Variants in STPG2 observed in about 807,000 individuals in gnomAD.
STPG2 encodes the protein sperm tail PG-rich repeat containing 2, also known as sperm-tail PG-rich repeat-containing protein 2.
STPG2 carries 56 observed loss-of-function variants against 54.2 expected under a neutral mutation model. The observed-to-expected ratio is 1.03, with a 90% CI of 0.83 to 1.29. The LOEUF (loss-of-function observed/expected upper bound fraction) is 1.29, where lower values mean the gene tolerates loss of function less well. STPG2 is among the 50% of genes most tolerant of loss of function. STPG2 has a pLI of 0.00. For missense variants in STPG2, 596 were observed against 544.9 expected (o/e 1.09, Z -0.93); for synonymous variants, 200 against 181.8 (o/e 1.10, Z -0.81).
chr4:97,519,600 T>C (rs964745030), intron 4 of STPG2, among the ~76,000 whole-genome samples: 1 of 152,022 alleles, frequency 6.6e-6, no homozygotes, highest in Admixed American at 6.6e-5. Context: ...TGGGATCAAA[T>C]ACAGATGCAG....
chr4:97,737,466 A>C (rs925061979), intron 9 of STPG2, among the ~76,000 whole-genome samples: 1 of 152,214 alleles, frequency 6.6e-6, no homozygotes, highest in Non-Finnish European at 1.5e-5. Context: ...ACTTTGAAAA[A>C]AATTTAGACG....
intron 4 of STPG2, among the ~76,000 whole-genome samples, chr4:97,460,398 C>A (rs13111940): frequency 0.017 from 2,633 of 151,554 alleles, 36 homozygotes; most frequent in Non-Finnish European, 0.028. Context: ...TAGATCTATT[C>A]TTGACATAGA....
intron 10 of STPG2, among the ~76,000 whole-genome samples, chr4:97,561,852 T>C (rs1026373729): frequency 6.6e-5 from 10 of 152,206 alleles, no homozygotes; most frequent in African/African-American, 2.4e-4. Flanking sequence ...AGCCTTGTAG[T>C]ATACTTTGAA....
chr4:97,732,935 A>G (rs752163936), intron 9 of STPG2, among the ~76,000 whole-genome samples: 15 of 152,230 alleles, frequency 9.9e-5, no homozygotes, highest in South Asian at 2.1e-4. Context: ...AACAAAAACC[A>G]TAGATGTTGA....
intron 5 of STPG2, among the ~76,000 whole-genome samples, chr4:98,082,767 A>T (rs13128640): frequency 6.3e-4 from 95 of 151,572 alleles, no homozygotes; most frequent in African/African-American, 2.2e-3. Flanking sequence ...ACTCTTAATA[A>T]GTCAAACATT....
chr4:97,871,575 A>G (rs1729991311), intron 8 of STPG2, among the ~76,000 whole-genome samples: 1 of 151,226 alleles, frequency 6.6e-6, no homozygotes, highest in Admixed American at 6.6e-5. Flanking sequence ...ATTTCTTTAG[A>G]AAATACAGTT....
intron 9 of STPG2, among the ~76,000 whole-genome samples, chr4:97,783,256 G>T (rs186404429): frequency 6.1e-4 from 93 of 152,254 alleles, no homozygotes; most frequent in Non-Finnish European, 9.7e-4. Flanking sequence ...GCATCAAAAA[G>T]TGGCCAAAGG....
At chr4:98,061,204 G>A in intron 5 of STPG2, among the ~76,000 whole-genome samples, 1 of 151,800 alleles carries the variant, frequency 6.6e-6, no homozygotes, top group East Asian at 1.9e-4. Context: ...CTATAAGGAT[G>A]CTGTATTAGT....
chr4:97,764,804 G>A (rs1725990781), intron 9 of STPG2, among the ~76,000 whole-genome samples: 1 of 151,998 alleles, frequency 6.6e-6, no homozygotes, highest in Non-Finnish European at 1.5e-5. Context: ...ATGATGGACA[G>A]AATCTAAATT....
At chr4:97,709,628 T>C (rs1724050085) in intron 10 of STPG2, among the ~76,000 whole-genome samples, 1 of 151,824 alleles carries the variant, frequency 6.6e-6, no homozygotes. Flanking sequence ...TATTTAGCTT[T>C]TTAAAATATT....
At chr4:97,478,661 A>G (rs1284707492) in intron 4 of STPG2, among the ~76,000 whole-genome samples, 1 of 151,808 alleles carries the variant, frequency 6.6e-6, no homozygotes, top group Non-Finnish European at 1.5e-5. Flanking sequence ...AATGAAATTA[A>G]CTCTATGATA....
chr4:97,744,600 C>A (rs189992364), intron 9 of STPG2, among the ~76,000 whole-genome samples: 1 of 151,282 alleles, frequency 6.6e-6, no homozygotes, highest in Non-Finnish European at 1.5e-5. Flanking sequence ...ATGCCTGAAA[C>A]TGTGGATGCT....
intron 4 of STPG2, among the ~76,000 whole-genome samples, chr4:97,456,232 G>A (rs989247669): frequency 6.6e-6 from 1 of 152,146 alleles, no homozygotes; most frequent in Non-Finnish European, 1.5e-5. Context: ...TTCCACAGCT[G>A]TACAGGAAGC....
intron 5 of STPG2, among the ~76,000 whole-genome samples, chr4:98,020,614 T>C (rs942210624): frequency 1.3e-5 from 2 of 152,184 alleles, no homozygotes; most frequent in African/African-American, 4.8e-5. Context: ...TCCTTGTACC[T>C]CTGGTAGAAC....
intron 8 of STPG2, among the ~76,000 whole-genome samples, chr4:97,925,974 T>A (rs575406406): frequency 1.2e-3 from 185 of 152,310 alleles, no homozygotes; most frequent in African/African-American, 4.3e-3. Flanking sequence ...ACCTCCATGA[T>A]ACCTTAGTGT....
rs1357238347 is a variant in STPG2 at position 97,650,785 on chromosome 4, T to A, written c.1320+61914A>T. ...AATAGAGATTCTTTACAGGTGCGTA[T>A]TTTCTCCCACGAAAGATGGCTTTGT... On this transcript the variant is annotated intron_variant, in intron 10 of 10. Transcript: ENST00000295268. 3.9e-5 allele frequency among the ~76,000 whole-genome samples: 6 copies of A among 152,160 alleles called. No homozygotes were observed. In the South Asian group the frequency reaches 1.2e-3, roughly 31 times the overall value.
intron 5 of STPG2, among the ~76,000 whole-genome samples, chr4:97,984,745 T>C (rs1293056284): frequency 2.6e-5 from 4 of 152,180 alleles, no homozygotes; most frequent in Non-Finnish European, 5.9e-5. Flanking sequence ...ACGCCCCCTG[T>C]TGGGGATGCT....
At chr4:97,907,073 A>C (rs1461571125) in intron 8 of STPG2, among the ~76,000 whole-genome samples, 3 of 151,942 alleles carry the variant, frequency 2.0e-5, no homozygotes, top group African/African-American at 7.3e-5. Flanking sequence ...GAGGAAGTCA[A>C]ATTGTCCCTG....
intron 10 of STPG2, 114 bp from the exon 11 acceptor site, chr4:97,559,231 A>C (rs1169452778): frequency 1.5e-6 from 1 of 679,432 alleles, no homozygotes; most frequent in East Asian, 2.9e-5. Context: ...ATTAGAAGTT[A>C]AATATATAAA....
Sources: allele counts gnomAD v4.1 joint callset (sites outside exome capture counted in the v4.1 genomes callset), GRCh38; gene constraint gnomAD v4.1.1; transcripts MANE v1.5; gene names NCBI Gene and HGNC (gene_info 2026-07-23, HGNC 2026-07-21).